Variants in SLC16A10 observed in about 807,000 individuals in gnomAD.
SLC16A10 encodes the protein monocarboxylate transporter 10.
SLC16A10 carries 27 observed loss-of-function variants against 40.0 expected under a neutral mutation model. That is an observed-to-expected ratio of 0.67 (90% CI 0.50 to 0.93). The LOEUF (loss-of-function observed/expected upper bound fraction) is 0.93. SLC16A10 is among the 40% of genes least tolerant of loss of function. The pLI, the probability that SLC16A10 is intolerant of heterozygous loss-of-function variation, is 0.00. For synonymous variants in SLC16A10, 213 were observed against 249.8 expected (o/e 0.85, Z 1.39); for missense variants, 529 against 658.2 (o/e 0.80, Z 2.15).
rs1770997544 is a variant in SLC16A10, at chr6:111,226,474, A to G, written c.*4239A>G. On this transcript the variant is annotated 3_prime_UTR_variant, in exon 6 of 6. Coordinates refer to ENST00000368851, the MANE Select transcript of SLC16A10 (RefSeq NM_018593.5). Reference sequence around the variant, plus strand: ...CAATTTTATAATATGTAAACAATTTAAACAAGTATTTAAAACTTTTTAGGA... The same window carrying G: ...CAATTTTATAATATGTAAACAATTTGAACAAGTATTTAAAACTTTTTAGGA... 1 of 152,232 alleles carries G rather than the reference A, an allele frequency of 6.6e-6. No homozygotes were observed. Among genetic ancestry groups the G allele is most frequent in the Admixed American group, 6.5e-5 (1 of 15,278 alleles). The allele number at this position is 152,232 out of a possible 1,614,324, so 9.4% of individuals were successfully genotyped here.
At chr6:111,089,396 A>G (rs1233627051) in intron 1 of SLC16A10, among the ~76,000 whole-genome samples, 4 of 152,142 alleles carry the variant, frequency 2.6e-5, no homozygotes, top group Admixed American at 2.6e-4. Context: ...TTGTTTGACT[A>G]TATTATACTC....
chr6:111,220,426 G>C (rs1424976489), intron 5 of SLC16A10, among the ~76,000 whole-genome samples: 1 of 152,174 alleles, frequency 6.6e-6, no homozygotes, highest in South Asian at 2.1e-4. Context: ...GTGTCAATTA[G>C]TATTAGAAGA....
intron 3 of SLC16A10, among the ~76,000 whole-genome samples, chr6:111,192,796 C>G (rs1562428624): frequency 6.6e-6 from 1 of 152,098 alleles, no homozygotes; most frequent in Non-Finnish European, 1.5e-5. Context: ...CTTTATGAAA[C>G]CATCAGATCT....
At chr6:111,157,541 C>G (rs141428926) in intron 1 of SLC16A10, among the ~76,000 whole-genome samples, 1 of 151,980 alleles carries the variant, frequency 6.6e-6, no homozygotes, top group Admixed American at 6.6e-5. Flanking sequence ...CTTGGCCTCC[C>G]GAAGTGCTGG....
intron 1 of SLC16A10, among the ~76,000 whole-genome samples, chr6:111,122,553 A>G (rs960741042): frequency 1.3e-5 from 2 of 152,190 alleles, no homozygotes; most frequent in Non-Finnish European, 2.9e-5. Flanking sequence ...CTTGAGGTAC[A>G]GTTCATCCAT....
intron 1 of SLC16A10, among the ~76,000 whole-genome samples, chr6:111,133,060 G>A (rs1198381923): frequency 6.6e-6 from 1 of 152,128 alleles, no homozygotes; most frequent in Non-Finnish European, 1.5e-5. Flanking sequence ...GGGGCAACTG[G>A]GTTGTTATGA....
At chr6:111,132,436 G>A (rs1233640498) in intron 1 of SLC16A10, among the ~76,000 whole-genome samples, 1 of 152,180 alleles carries the variant, frequency 6.6e-6, no homozygotes, top group African/African-American at 2.4e-5. Flanking sequence ...TGAGACCACT[G>A]ACAACCTATC....
chr6:111,225,966 TC>T lies in SLC16A10; in HGVS notation c.*3734del, dbSNP rs1487101984. 1 of 152,218 alleles carries T rather than the reference TC, an allele frequency of 6.6e-6. No individual in the cohort carries two copies. The highest frequency in any genetic ancestry group is 6.5e-5 in the Admixed American group (1 of 15,270). 9.4% of individuals were successfully genotyped at this position (152,218 alleles called of 1,614,324 possible). A position where few individuals can be genotyped will look rare whatever the true frequency, so the allele number is the denominator to read the frequency against. ...GTTGCATGGCTGTATTTCCTACTGATCCCTGTAGTTTCACTGAATGGATCCC... is the reference window on the plus strand; with the variant it reads ...GTTGCATGGCTGTATTTCCTACTGATCCTGTAGTTTCACTGAATGGATCCC... On this transcript the variant is annotated 3_prime_UTR_variant, in exon 6 of 6. Transcript: ENST00000368851.
chr6:111,161,288 A>T (rs1191126067), intron 1 of SLC16A10, among the ~76,000 whole-genome samples: 1 of 150,464 alleles, frequency 6.6e-6, no homozygotes, highest in African/African-American at 2.4e-5. Context: ...GGTGGGGATC[A>T]ATCAGAGGAA....
intron 1 of SLC16A10, among the ~76,000 whole-genome samples, chr6:111,096,359 A>G (rs958429942): frequency 6.6e-6 from 1 of 152,206 alleles, no homozygotes; most frequent in African/African-American, 2.4e-5. Context: ...TAAACATAAC[A>G]TGAACAGTCA....
At chr6:111,137,304 TA>T (rs1280238863) in intron 1 of SLC16A10, among the ~76,000 whole-genome samples, 1 of 152,336 alleles carries the variant, frequency 6.6e-6, no homozygotes, top group East Asian at 1.9e-4. Flanking sequence ...GGAAATTACT[TA>T]AAACCCTTCA....
Position 111,177,506 on chromosome 6 carries a change from A to C in SLC16A10, c.783A>C (p.Lys261Asn), listed in dbSNP as rs1163950119. The C allele has an allele frequency of 2.5e-6, 4 of 1,614,042 alleles. No homozygotes were observed. In the South Asian group the frequency reaches 4.4e-5, roughly 18 times the overall value. ...YRPLATSTKDKESGGSGSSLF... is the reference protein window; with the variant it reads ...YRPLATSTKDNESGGSGSSLF... ...CTCTTGCTACCAGTACCAAAGATAA[A>C]GAGAGTGGAGGTAGCGGATCCTCCC... is the stretch of plus-strand genomic sequence containing the variant. Residue 261 changes from lysine to asparagine, a missense_variant, in exon 3 of 6, where the codon AAA (lysine) becomes AAC (asparagine). Physicochemically the swap from Lys to Asn is moderately conservative, Grantham distance 94. Transcript: ENST00000368851.
chr6:111,196,198 A>C (rs1037175582), intron 3 of SLC16A10, among the ~76,000 whole-genome samples: 1 of 152,166 alleles, frequency 6.6e-6, no homozygotes, highest in Non-Finnish European at 1.5e-5. Flanking sequence ...TTAGCCAGGC[A>C]TGATGGCAGC....
Position 111,224,603 on chromosome 6 carries a change from G to A in SLC16A10, c.*2368G>A, listed in dbSNP as rs948071051. On this transcript the variant is annotated 3_prime_UTR_variant, in exon 6 of 6. Transcript: ENST00000368851. ...AAGTTCTATTGTAATAGACTCATAC[G>A]GAGAATACTCTGCTATAATAATATA... 16 of 152,216 alleles carry A rather than the reference G, an allele frequency of 1.1e-4. No individual in the cohort carries two copies. Among genetic ancestry groups the A allele is most frequent in the African/African-American group, 2.9e-4 (12 of 41,532 alleles). 9.4% of individuals were successfully genotyped at this position (152,216 alleles called of 1,614,324 possible). A position where few individuals can be genotyped will look rare whatever the true frequency, so the allele number is the denominator to read the frequency against.
chr6:111,216,714 C>T (rs559211560), intron 4 of SLC16A10, among the ~76,000 whole-genome samples: 1 of 151,978 alleles, frequency 6.6e-6, no homozygotes, highest in Non-Finnish European at 1.5e-5. Flanking sequence ...CGCGCCCAGC[C>T]GGCCAACTCG....
chr6:111,187,629 G>A (rs1202283815), intron 3 of SLC16A10, among the ~76,000 whole-genome samples: 1 of 152,202 alleles, frequency 6.6e-6, no homozygotes, highest in Non-Finnish European at 1.5e-5. Context: ...AGCCCAGCCT[G>A]TAAATATGTA....
At chr6:111,191,611 G>A (rs796835431) in intron 3 of SLC16A10, among the ~76,000 whole-genome samples, 3 of 152,156 alleles carry the variant, frequency 2.0e-5, no homozygotes, top group Non-Finnish European at 4.4e-5. Context: ...TTCCACAATG[G>A]TTGAACTAAT....
chr6:111,121,302 C>T (rs4947107), intron 1 of SLC16A10, among the ~76,000 whole-genome samples: 66,582 of 152,126 alleles, frequency 0.44, 16,568 homozygotes, highest in East Asian at 0.67. Context: ...TGGCTCACAC[C>T]GGTAATCCCG....
At chr6:111,217,411 TCTG>T (rs1025398836) in intron 4 of SLC16A10, among the ~76,000 whole-genome samples, 3 of 152,154 alleles carry the variant, frequency 2.0e-5, no homozygotes, top group Non-Finnish European at 4.4e-5. Flanking sequence ...AAAAATTTTT[TCTG>T]CTGACTAGTG....
Sources: gnomAD v4.1 joint callset for allele counts (sites outside exome capture counted in the v4.1 genomes callset) on GRCh38, gnomAD v4.1.1 for gene constraint, MANE v1.5 for transcripts, NCBI Gene and HGNC (gene_info 2026-07-23, HGNC 2026-07-21) for gene names.